CPSF3: variants seen among roughly 807,000 people sequenced by gnomAD.
The protein encoded by CPSF3 is cleavage and polyadenylation specific factor 3, also known as cleavage and polyadenylation specificity factor subunit 3.
CPSF3 carries 57 observed loss-of-function variants against 84.1 expected under a neutral mutation model. The observed-to-expected ratio is 0.68, with a 90% CI of 0.55 to 0.85. The LOEUF (loss-of-function observed/expected upper bound fraction) is 0.85, where lower values mean the gene tolerates loss of function less well. Ranked by LOEUF, CPSF3 falls within the 40% of genes least tolerant of loss-of-function variation. The pLI is 0.00. For missense variants in CPSF3, 522 were observed against 838.8 expected (o/e 0.62, Z 4.66); for synonymous variants, 275 against 278.1 (o/e 0.99, Z 0.11).
Position 9,453,088 on chromosome 2 carries a change from C to G in CPSF3, c.1504+67C>G. 5.2e-6 allele frequency: 5 copies of G among 963,352 alleles called. No homozygotes were observed. In the South Asian group the frequency reaches 6.6e-5, roughly 13 times the overall value. 59.7% of individuals were successfully genotyped at this position (963,352 alleles called of 1,614,324 possible). A position where few individuals can be genotyped will look rare whatever the true frequency, so the allele number is the denominator to read the frequency against. ...ACTGAAAGAAAATCTATGAAAACTTCTCTTCACCTTGTGGCCTAATGTTAT... is the reference window on the plus strand; with the variant it reads ...ACTGAAAGAAAATCTATGAAAACTTGTCTTCACCTTGTGGCCTAATGTTAT... On this transcript the variant is annotated intron_variant, in intron 12 of 17. Transcript: ENST00000238112.
At chr2:9,466,844 C>A (rs1452058668) in intron 15 of CPSF3, among the ~76,000 whole-genome samples, 1 of 152,192 alleles carries the variant, frequency 6.6e-6, no homozygotes, top group African/African-American at 2.4e-5. Context: ...GTACTTCCTT[C>A]CTTTTTATGG....
At chr2:9,429,663 C>T (rs56120855) in intron 2 of CPSF3, among the ~76,000 whole-genome samples, 12,310 of 152,138 alleles carry the variant, frequency 0.081, 1,654 homozygotes, top group African/African-American at 0.28. Flanking sequence ...GTTAGAATGA[C>T]GACCAAAAGT....
chr2:9,454,148 G>A (rs1216945103), intron 12 of CPSF3, among the ~76,000 whole-genome samples: 4 of 152,122 alleles, frequency 2.6e-5, no homozygotes, highest in South Asian at 2.1e-4. Flanking sequence ...GGTGGCTCAC[G>A]CCTGTAATCC....
intron 3 of CPSF3, 74 bp from the exon 4 acceptor site, chr2:9,430,678 T>TAATG: frequency 7.0e-7 from 1 of 1,421,388 alleles, no homozygotes; most frequent in Non-Finnish European, 9.6e-7. Flanking sequence ...TTTTGTACAG[T>TAATG]AAGCAACAGT....
chr2:9,423,812 G>T lies in CPSF3; in HGVS notation c.39G>T (p.Leu13=), dbSNP rs184288938. The change falls in exon 1 of 18, where the codon CTG becomes CTT. Residue 13 remains leucine (L), a synonymous_variant. Transcript: ENST00000238112. The part of the protein sequence containing the change: ...AIPAEESDQL[L]IRPLGAGQEV... The stretch of plus-strand genomic sequence containing the variant: ...CTGCTGAGGAGAGCGACCAGCTGCT[G>T]ATCCGACCCCTGTAAGGGACCAGCG... 5 of 1,613,400 alleles carry T rather than the reference G, an allele frequency of 3.1e-6. No homozygotes were observed. The Admixed American group carries it at 5.0e-5, about 16-fold the overall frequency.
At chr2:9,465,567 G>A (rs62120282) in intron 15 of CPSF3, among the ~76,000 whole-genome samples, 38,311 of 150,160 alleles carry the variant, frequency 0.26, 5,219 homozygotes, top group Non-Finnish European at 0.32. Flanking sequence ...ACACACACGC[G>A]CGCGCGTTTA....
chr2:9,423,892 G>C (rs141409726), intron 1 of CPSF3, 69 bp downstream of exon 1: 2 of 1,581,076 alleles, frequency 1.3e-6, no homozygotes, highest in Non-Finnish European at 1.7e-6. Context: ...CCGGAGACTG[G>C]CCTCCTCCGT....
At chr2:9,447,618 A>G (rs1259657658) in intron 10 of CPSF3, among the ~76,000 whole-genome samples, 2 of 151,626 alleles carry the variant, frequency 1.3e-5, no homozygotes, top group Non-Finnish European at 2.9e-5. Flanking sequence ...TACTAAAAAT[A>G]CAAAAAATTA....
chr2:9,472,862 T>C, intron 17 of CPSF3, 54 bp from the exon 18 acceptor site: 2 of 1,174,700 alleles, frequency 1.7e-6, no homozygotes, highest in Admixed American at 1.8e-5. Context: ...ATTTATCTTC[T>C]ATATAATCAT....
intron 16 of CPSF3, among the ~76,000 whole-genome samples, chr2:9,469,345 C>T (rs1475686215): frequency 6.6e-6 from 1 of 152,120 alleles, no homozygotes; most frequent in Non-Finnish European, 1.5e-5. Context: ...TATCCTGGGA[C>T]CCCCGGTTAA....
chr2:9,433,862 T>C lies in CPSF3; in HGVS notation c.520-9T>C. 1 of 1,592,116 alleles carries C rather than the reference T, an allele frequency of 6.3e-7. No homozygotes were observed. On this transcript the variant is annotated splice_polypyrimidine_tract_variant and intron_variant, in intron 5 of 17. Transcript: ENST00000238112. ...AAATCCTAACTTTCTAGTTTTATCT[T>C]TTTCACAGCTTTTGTACACTGGTGA...
chr2:9,444,151 TATA>T (rs1289018897), intron 10 of CPSF3, among the ~76,000 whole-genome samples: 4 of 141,720 alleles, frequency 2.8e-5, no homozygotes, highest in African/African-American at 8.0e-5. Context: ...TATATATATA[TATA>T]TATATTTTTT....
At chr2:9,439,832 A>C (rs1031799301) in intron 7 of CPSF3, among the ~76,000 whole-genome samples, 2 of 152,094 alleles carry the variant, frequency 1.3e-5, no homozygotes, top group African/African-American at 4.8e-5. Flanking sequence ...AAAAAAAAAA[A>C]TTAGCCAAGT....
intron 7 of CPSF3, among the ~76,000 whole-genome samples, chr2:9,438,751 G>A (rs933514728): frequency 6.6e-6 from 1 of 151,918 alleles, no homozygotes; most frequent in African/African-American, 2.4e-5. Flanking sequence ...ATCTTTTGTT[G>A]TTCACCTAAA....
At chr2:9,459,438 TG>T in intron 14 of CPSF3, 92 bp from the exon 15 acceptor site, 1 of 778,556 alleles carries the variant, frequency 1.3e-6, no homozygotes, top group South Asian at 1.4e-5. Context: ...TAGTTCCATA[TG>T]TACAGTCCAT....
intron 11 of CPSF3, among the ~76,000 whole-genome samples, chr2:9,450,235 T>C (rs1395794792): frequency 6.8e-6 from 1 of 147,820 alleles, no homozygotes; most frequent in Non-Finnish European, 1.5e-5. Context: ...CACTGCAACC[T>C]CCGCCTCCCA....
chr2:9,471,595 T>C (rs1682165883), intron 17 of CPSF3, among the ~76,000 whole-genome samples, 156 bp downstream of exon 17: 1 of 152,178 alleles, frequency 6.6e-6, no homozygotes. Flanking sequence ...TTTATATTAT[T>C]ATGGTTGAAG....
chr2:9,449,584 A>C (rs534063036), intron 11 of CPSF3, among the ~76,000 whole-genome samples: 1 of 152,256 alleles, frequency 6.6e-6, no homozygotes, highest in Admixed American at 6.5e-5. Context: ...TCTACGAAAA[A>C]TACAAAAATT....
At chr2:9,458,498 G>A (rs1558462484) in intron 14 of CPSF3, among the ~76,000 whole-genome samples, 1 of 152,112 alleles carries the variant, frequency 6.6e-6, no homozygotes, top group Non-Finnish European at 1.5e-5. Flanking sequence ...CAGAAAAAGG[G>A]GGAAGTTATT....
Sources: gnomAD v4.1 joint callset for allele counts (sites outside exome capture counted in the v4.1 genomes callset) on GRCh38, gnomAD v4.1.1 for gene constraint, MANE v1.5 for transcripts, NCBI Gene and HGNC (gene_info 2026-07-23, HGNC 2026-07-21) for gene names.